RBMS1: variants seen among roughly 807,000 people sequenced by gnomAD.
RBMS1 encodes RNA-binding motif, single-stranded-interacting protein 1.
RBMS1 carries 17 observed loss-of-function variants against 62.3 expected under a neutral mutation model. The ratio of observed to expected loss-of-function variants is 0.27; its 90% CI spans 0.19 to 0.41. The LOEUF (loss-of-function observed/expected upper bound fraction) is 0.41. Among genes scored for constraint, RBMS1 ranks in the 10% least tolerant of loss-of-function variants. RBMS1 has a pLI of 1.00. For missense variants in RBMS1, 334 were observed against 504.5 expected, an observed-to-expected ratio of 0.66 and a Z score of 3.24; for synonymous variants, 172 against 170.0, an observed-to-expected ratio of 1.01 and a Z score of -0.09.
intron 10 of RBMS1, 59 bp downstream of exon 10, chr2:160,281,255 G>C: frequency 7.3e-7 from 1 of 1,371,702 alleles, no homozygotes; most frequent in Non-Finnish European, 1.0e-6. Context: ...TTTTAACCTA[G>C]AGAGAATATA....
At chr2:160,326,891 C>A (rs1690962587) in intron 2 of RBMS1, among the ~76,000 whole-genome samples, 1 of 152,168 alleles carries the variant, frequency 6.6e-6, no homozygotes, top group Non-Finnish European at 1.5e-5. Context: ...AAGCCAGTGG[C>A]TTGTCTCTGT....
chr2:160,449,364 T>C (rs1683857612), intron 1 of RBMS1, among the ~76,000 whole-genome samples: 1 of 152,234 alleles, frequency 6.6e-6, no homozygotes, highest in Non-Finnish European at 1.5e-5. Context: ...ATGATGACGA[T>C]GGCGTTTTTG....
chr2:160,471,717 A>ATATATAAT (rs1422014155), intron 1 of RBMS1, among the ~76,000 whole-genome samples: 1 of 53,954 alleles, frequency 1.9e-5, no homozygotes, highest in Admixed American at 1.8e-4. Context: ...ATATATATAT[A>ATATATAAT]ACCTTTCATA....
chr2:160,446,869 GC>G (rs1276638604), intron 1 of RBMS1, among the ~76,000 whole-genome samples: 1 of 151,976 alleles, frequency 6.6e-6, no homozygotes, highest in African/African-American at 2.4e-5. Context: ...CATGAATACT[GC>G]CCTCTACTGC....
At chr2:160,398,676 GTAA>G (rs1047630650) in intron 1 of RBMS1, among the ~76,000 whole-genome samples, 8 of 152,058 alleles carry the variant, frequency 5.3e-5, no homozygotes, top group South Asian at 4.1e-4. Flanking sequence ...AATAATAACA[GTAA>G]TAATAATAAT....
rs557774288 is a variant in RBMS1, at chr2:160,324,652, G to C, written c.252-6425C>G. On this transcript the variant is annotated intron_variant, in intron 2 of 13. Transcript: ENST00000348849. ...ATAGCTGCTCCTGAAGGACAAACAG[G>C]GATTCACACATCCCGTAAAAGACGC... is the stretch of plus-strand genomic sequence containing the variant. Among the ~76,000 whole-genome samples, 5 of 151,744 alleles carry C rather than the reference G, an allele frequency of 3.3e-5. No individual in the cohort carries two copies. The East Asian group carries it at 7.7e-4, about 24-fold the overall frequency.
chr2:160,488,873 G>A (rs1326398201), intron 1 of RBMS1, among the ~76,000 whole-genome samples: 7 of 152,158 alleles, frequency 4.6e-5, no homozygotes, highest in African/African-American at 1.7e-4. Flanking sequence ...TTAAAAGCTA[G>A]ATGCCGAAAT....
intron 2 of RBMS1, among the ~76,000 whole-genome samples, chr2:160,357,191 T>G (rs1452985327): frequency 6.6e-6 from 1 of 152,158 alleles, no homozygotes; most frequent in Non-Finnish European, 1.5e-5. Context: ...AATACTATCT[T>G]CAATCACAGA....
chr2:160,448,690 G>C lies in RBMS1; in HGVS notation c.75+44599C>G, dbSNP rs1181435178. On this transcript the variant is annotated intron_variant, in intron 1 of 13. Transcript: ENST00000348849. ...CTGCCTTGGCCTCCCAAAGTGCCGAGATTGCAGCCTCTGCCCGGCCGCCAA... is the reference window on the plus strand; with the variant it reads ...CTGCCTTGGCCTCCCAAAGTGCCGACATTGCAGCCTCTGCCCGGCCGCCAA... 2.0e-5 allele frequency among the ~76,000 whole-genome samples: 3 copies of C among 152,214 alleles called. No homozygotes were observed. The East Asian group carries it at 5.8e-4, about 29-fold the overall frequency.
chr2:160,407,332 G>A (rs964168331), intron 1 of RBMS1: 2 of 984,548 alleles, frequency 2.0e-6, no homozygotes, highest in Non-Finnish European at 1.2e-6. Context: ...AGCAGTCCCC[G>A]CGGCCGCCTT....
intron 1 of RBMS1, among the ~76,000 whole-genome samples, chr2:160,406,078 A>C (rs1695688589): frequency 1.3e-5 from 2 of 152,200 alleles, no homozygotes; most frequent in South Asian, 4.1e-4. Flanking sequence ...CCTTCAGCCG[A>C]GTCATAAATG....
chr2:160,334,365 A>G (rs925554143), intron 2 of RBMS1, among the ~76,000 whole-genome samples: 1 of 152,208 alleles, frequency 6.6e-6, no homozygotes, highest in East Asian at 1.9e-4. Context: ...TTCTATGACA[A>G]AGTTTTAAAA....
chr2:160,309,628 A>G (rs894671479), intron 4 of RBMS1, among the ~76,000 whole-genome samples: 3 of 152,186 alleles, frequency 2.0e-5, no homozygotes, highest in African/African-American at 7.2e-5. Flanking sequence ...TAGGAGAGAA[A>G]GATCAATTTA....
intron 1 of RBMS1, among the ~76,000 whole-genome samples, chr2:160,398,460 G>A (rs1695258259): frequency 6.6e-6 from 1 of 152,222 alleles, no homozygotes; most frequent in South Asian, 2.1e-4. Context: ...TCTCAAGGGA[G>A]TGGTAAAGAA....
chr2:160,442,192 CT>C (rs1264180175), intron 1 of RBMS1, among the ~76,000 whole-genome samples: 5 of 152,244 alleles, frequency 3.3e-5, no homozygotes, highest in African/African-American at 1.2e-4. Flanking sequence ...ATGATCTGTG[CT>C]TTTTATGTCA....
In RBMS1 at chr2:160,287,065, C is replaced by T. The variant is rs775842472; in HGVS notation, c.660G>A (p.Leu220=). 5.0e-5 allele frequency: 81 copies of T among 1,613,826 alleles called. No individual in the cohort carries two copies. Among genetic ancestry groups the T allele is most frequent in the Non-Finnish European group, 6.4e-5 (75 of 1,180,022 alleles). Residue 220 remains leucine, a synonymous_variant, in exon 7 of 14, where the codon TTG becomes TTA. Coordinates refer to ENST00000348849, the MANE Select transcript of RBMS1 (RefSeq NM_016836.4). ...PGVSAPTEPL[L]CKFADGGQKK... ...TCTGTCCTCCATCAGCAAACTTACA[C>T]AATAAAGGTTCTGTGGGGGCTAAGT...
intron 1 of RBMS1, among the ~76,000 whole-genome samples, chr2:160,377,614 G>C (rs1179647530): frequency 1.3e-5 from 2 of 152,182 alleles, no homozygotes; most frequent in Non-Finnish European, 2.9e-5. Context: ...CCCAGTATCT[G>C]CTCAGAATAA....
chr2:160,361,199 A>G lies in RBMS1; in HGVS notation c.251+6017T>C, dbSNP rs1399588111. On this transcript the variant is annotated intron_variant, in intron 2 of 13. Coordinates refer to ENST00000348849, the MANE Select transcript of RBMS1 (RefSeq NM_016836.4). ...AAGTCACTGGTTTTTCCATTAAAAT[A>G]AGTTACTGCTACACTGAGTTATCTA... Among the ~76,000 whole-genome samples, 3 of 152,348 alleles carry G rather than the reference A, an allele frequency of 2.0e-5. No homozygotes were observed. The East Asian group carries it at 5.8e-4, about 29-fold the overall frequency.
intron 1 of RBMS1, among the ~76,000 whole-genome samples, chr2:160,412,130 C>T (rs1696061826): frequency 6.6e-6 from 1 of 152,058 alleles, no homozygotes; most frequent in Non-Finnish European, 1.5e-5. Flanking sequence ...GAGGTGTATA[C>T]CAACTAGAAT....
Sources: gnomAD v4.1 joint callset for allele counts (sites outside exome capture counted in the v4.1 genomes callset) on GRCh38, gnomAD v4.1.1 for gene constraint, MANE v1.5 for transcripts, NCBI Gene and HGNC (gene_info 2026-07-23, HGNC 2026-07-21) for gene names.